Variants in PSG2 observed in about 807,000 individuals in gnomAD.
The protein encoded by PSG2 is pregnancy-specific beta-1-glycoprotein 2.
A neutral mutation model predicts 36.2 loss-of-function variants in PSG2; 49 were observed. That is an observed-to-expected ratio of 1.35 (90% CI 1.08 to 1.72). The LOEUF (loss-of-function observed/expected upper bound fraction) is 1.72. Ranked by LOEUF, PSG2 falls within the 40% of genes most tolerant of loss-of-function variation. The pLI is 0.00. For synonymous variants in PSG2, 261 were observed against 155.6 expected (o/e 1.68, Z -5.04); for missense variants, 605 against 407.2 (o/e 1.49, Z -4.18).
chr19:43,073,313 G>C (rs1343110161), intron 3 of PSG2, among the ~76,000 whole-genome samples: 1 of 151,768 alleles, frequency 6.6e-6, no homozygotes, highest in East Asian at 1.9e-4. Context: ...AAGAGTGAAG[G>C]GGATAGGCAA....
At chr19:43,069,034 A>T (rs1183904620) in intron 4 of PSG2, among the ~76,000 whole-genome samples, 5 of 151,780 alleles carry the variant, frequency 3.3e-5, no homozygotes, top group Non-Finnish European at 7.4e-5. Context: ...GAAAATCAGC[A>T]TTCAAACGTC....
chr19:43,072,646 G>T, intron 3 of PSG2: 2 of 1,610,214 alleles, frequency 1.2e-6, no homozygotes, highest in Non-Finnish European at 1.7e-6. Context: ...GGATAACAGA[G>T]AGAAGATTGT....
In PSG2 at chr19:43,081,245, T is replaced by C. The variant is rs772769208; in HGVS notation, c.66A>G (p.Ala22=). Residue 22 remains alanine, a splice_region_variant and synonymous_variant, in exon 2 of 6, where the codon GCA becomes GCG. Coordinates refer to ENST00000406487, the MANE Select transcript of PSG2 (RefSeq NM_031246.4). ...GCAGGTTCCAGAAGTTTAAAAGTGATGCTAGGAGGTGGAGAGAGCATCAGA... is the reference window on the plus strand; with the variant it reads ...GCAGGTTCCAGAAGTTTAAAAGTGACGCTAGGAGGTGGAGAGAGCATCAGA... The part of the protein sequence containing the change: ...HIKWKGLLVT[A]SLLNFWNLPT... 1.1e-5 allele frequency: 18 copies of C among 1,610,818 alleles called. No individual in the cohort carries two copies. The highest frequency in any genetic ancestry group is 2.2e-5 in the East Asian group (1 of 44,828).
intron 5 of PSG2, chr19:43,065,967 G>C (rs1164607027): frequency 6.4e-6 from 1 of 155,416 alleles, no homozygotes; most frequent in African/African-American, 2.4e-5. Context: ...TAGGAAGACA[G>C]TTCTAATTAG....
Position 43,071,800 on chromosome 19 carries a change from G to T in PSG2, c.864C>A (p.Ile288=). The T allele has an allele frequency of 6.2e-7, 1 of 1,612,906 alleles. No individual in the cohort carries two copies. The highest frequency in any genetic ancestry group is 8.5e-7 in the Non-Finnish European group (1 of 1,179,440). ...KFQQSGQNLF[I]PQITTKHSGL... is the part of the protein sequence containing the mutation. ...CGCTATGCTTTGTAGTAATTTGGGG[G>T]ATAAACAGATTTTGTCCTGATTGCT... Residue 288 remains isoleucine, a synonymous_variant, in exon 4 of 6, where the codon ATC becomes ATA. Transcript: ENST00000406487.
rs534909354 is a variant in PSG2, at chr19:43,077,813, C to T, written c.431-2181G>A. On this transcript the variant is annotated intron_variant, in intron 2 of 5. Coordinates refer to ENST00000406487, the MANE Select transcript of PSG2 (RefSeq NM_031246.4). ...GTTCCACTTTTTCTTCCCCACTCTT[C>T]TTGAACTTTCCTGTTTCAGTTTTGG... Among the ~76,000 whole-genome samples, 5 of 151,952 alleles carry T rather than the reference C, an allele frequency of 3.3e-5. No homozygotes were observed. In the South Asian group the frequency reaches 1.0e-3, roughly 32 times the overall value.
intron 3 of PSG2, chr19:43,072,444 T>A (rs2122903145): frequency 6.2e-7 from 1 of 1,611,910 alleles, no homozygotes; most frequent in Admixed American, 1.7e-5. Context: ...CTCGTGACAC[T>A]GGGTAGAATG....
In PSG2 at chr19:43,072,595, G is replaced by C. The variant is rs1467404913; in HGVS notation, c.710-641C>G. 3.1e-6 allele frequency: 5 copies of C among 1,611,434 alleles called. No individual in the cohort carries two copies. In the East Asian group the frequency reaches 8.9e-5, roughly 29 times the overall value. On this transcript the variant is annotated intron_variant, in intron 3 of 5. Coordinates refer to ENST00000406487, the MANE Select transcript of PSG2 (RefSeq NM_031246.4). The stretch of plus-strand genomic sequence containing the variant: ...CATCCTTATTCTCCCTGGGGTTTAA[G>C]TTGTTGATGGTGATTTAGGGCTTGG...
At position 43,071,758 on chromosome 19, in the gene PSG2, A is replaced by G; in HGVS notation, c.906T>C (p.Ser302=). Residue 302 remains serine, a synonymous_variant, in exon 4 of 6, where the codon TCT becomes TCC. Coordinates refer to ENST00000406487, the MANE Select transcript of PSG2 (RefSeq NM_031246.4). ...CCTCGCCAGTGGCTGAGTTACGAAC[A>G]GAGCAAACATAGAGCCCGCTATGCT... ...TTKHSGLYVC[S]VRNSATGEES... 6.2e-7 allele frequency: 1 copy of G among 1,612,968 alleles called. No individual in the cohort carries two copies. The highest frequency in any genetic ancestry group is 8.5e-7 in the Non-Finnish European group (1 of 1,179,390).
intron 3 of PSG2, 56 bp from the exon 4 acceptor site, chr19:43,072,010 C>G: frequency 6.3e-7 from 1 of 1,587,778 alleles, no homozygotes; most frequent in South Asian, 1.1e-5. Flanking sequence ...GGGGATGCTC[C>G]TGGTCTCTTA....
chr19:43,078,172 A>T (rs1316804800), intron 2 of PSG2, among the ~76,000 whole-genome samples: 1 of 151,794 alleles, frequency 6.6e-6, no homozygotes, highest in Non-Finnish European at 1.5e-5. Context: ...ATTCCTGGGC[A>T]TAGGCCAGGC....
In PSG2 at chr19:43,066,089, T is replaced by G. The variant is rs191997660; in HGVS notation, c.*40+428A>C. Among the ~76,000 whole-genome samples, 23 of 151,808 alleles carry G rather than the reference T, an allele frequency of 1.5e-4. 1 individual carries two copies. The East Asian group carries it at 3.3e-3, about 22-fold the overall frequency. On this transcript the variant is annotated intron_variant, in intron 5 of 5. Coordinates refer to ENST00000406487, the MANE Select transcript of PSG2 (RefSeq NM_031246.4). ...GAGTAGACCCCTGCAGATTCTTGATTAAATCAATTAACCAGATTTTAGAAA... is the reference window on the plus strand; with the variant it reads ...GAGTAGACCCCTGCAGATTCTTGATGAAATCAATTAACCAGATTTTAGAAA...
Position 43,066,588 on chromosome 19 carries a change from AT to A in PSG2, c.976del (p.Ile326Ter). 1 of 1,600,664 alleles carries A rather than the reference AT, an allele frequency of 6.2e-7. No individual in the cohort carries two copies. The highest frequency in any genetic ancestry group is 1.1e-5 in the South Asian group (1 of 90,814). ...LTVKVSASTR[I>X]GLLPLLNPT The stretch of plus-strand genomic sequence containing the variant: ...TGGATTAAGGAGAGGAAGAAGTCCT[AT>A]TCTTGTAGAAGCTGTCATGGAAAGA... On this transcript the variant is annotated frameshift_variant, in exon 5 of 6. Coordinates refer to ENST00000406487, the MANE Select transcript of PSG2 (RefSeq NM_031246.4). LOFTEE classifies it high-confidence loss of function.
intron 3 of PSG2, among the ~76,000 whole-genome samples, chr19:43,072,812 C>T (rs539455293): frequency 6.6e-6 from 1 of 151,848 alleles, no homozygotes; most frequent in East Asian, 1.9e-4. Flanking sequence ...TGTGAGGCCG[C>T]CTGCTCTGTC....
In PSG2 at chr19:43,071,779, A is replaced by G; in HGVS notation, c.885T>C (p.His295=). 1 of 1,612,654 alleles carries G rather than the reference A, an allele frequency of 6.2e-7. No homozygotes were observed. Among genetic ancestry groups the G allele is most frequent in the Non-Finnish European group, 8.5e-7 (1 of 1,179,222 alleles). The change falls in exon 4 of 6, where the codon CAT becomes CAC. Residue 295 remains histidine, a synonymous_variant. Transcript: ENST00000406487. ...NLFIPQITTK[H]SGLYVCSVRN... is the part of the protein sequence containing the mutation. Reference sequence around the variant, plus strand: ...GAACAGAGCAAACATAGAGCCCGCTATGCTTTGTAGTAATTTGGGGGATAA... The same window carrying G: ...GAACAGAGCAAACATAGAGCCCGCTGTGCTTTGTAGTAATTTGGGGGATAA...
In PSG2 at chr19:43,077,945, G is replaced by A. The variant is rs183648787; in HGVS notation, c.431-2313C>T. 2.3e-3 allele frequency among the ~76,000 whole-genome samples: 336 copies of A among 147,280 alleles called. 9 individuals are homozygous for A. The highest frequency in any genetic ancestry group is 8.4e-3 in the African/African-American group (323 of 38,596). ...TTGTTATATGCCTGACCGGAAGCCA[G>A]AAGTCTCTAGGAAGTGACTGGAGAA... On this transcript the variant is annotated intron_variant, in intron 2 of 5. Transcript: ENST00000406487.
chr19:43,076,199 G>C (rs1166844951), intron 2 of PSG2, among the ~76,000 whole-genome samples: 1 of 151,674 alleles, frequency 6.6e-6, no homozygotes, highest in African/African-American at 2.4e-5. Flanking sequence ...CAGTCATCAG[G>C]CAGTGGAGCC....
chr19:43,069,425 A>T (rs1410321515), intron 4 of PSG2, among the ~76,000 whole-genome samples: 1 of 151,752 alleles, frequency 6.6e-6, no homozygotes, highest in Non-Finnish European at 1.5e-5. Flanking sequence ...AGGAAGAATG[A>T]AGCTGGAGGA....
chr19:43,064,972 C>T (rs1388911709), intron 5 of PSG2, among the ~76,000 whole-genome samples: 2 of 151,706 alleles, frequency 1.3e-5, no homozygotes, highest in East Asian at 1.9e-4. Flanking sequence ...GCTGGGACTA[C>T]AGGTGCCTGC....
Sources: allele counts gnomAD v4.1 joint callset (sites outside exome capture counted in the v4.1 genomes callset), GRCh38; gene constraint gnomAD v4.1.1; transcripts MANE v1.5; gene names NCBI Gene and HGNC (gene_info 2026-07-23, HGNC 2026-07-21).